LINGO2: variants seen among roughly 807,000 people sequenced by gnomAD.
The protein encoded by LINGO2 is leucine rich repeat and Ig domain containing 2, also known as leucine-rich repeat and immunoglobulin-like domain-containing nogo receptor-interacting protein 2.
In LINGO2, 14 loss-of-function variants were observed where a neutral mutation model predicts 30.6. That is an observed-to-expected ratio of 0.46 (90% confidence interval 0.30 to 0.72). LINGO2 has a LOEUF of 0.72. LINGO2 is among the 30% of genes least tolerant of loss of function. The probability of loss-of-function intolerance (pLI) is 0.07; values close to 1 mark genes in which losing one functional copy is unlikely to be tolerated. For missense variants in LINGO2, 729 were observed against 751.7 expected (o/e 0.97, Z 0.35); for synonymous variants, 317 against 288.5 (o/e 1.10, Z -1.00).
chr9:29,061,229 T>A, the LINGO2 span, among the ~76,000 whole-genome samples: 1 of 151,848 alleles, frequency 6.6e-6, no homozygotes, highest in African/African-American at 2.4e-5. Context: ...CACTGTGAAA[T>A]AGAAACCGTT....
chr9:28,207,558 C>G (rs1052110251), intron 4 of LINGO2, among the ~76,000 whole-genome samples: 1 of 151,970 alleles, frequency 6.6e-6, no homozygotes, highest in African/African-American at 2.4e-5. Flanking sequence ...AAAAAGTCTC[C>G]TCTCTCACTT....
chr9:28,303,954 C>T (rs1824245322), intron 3 of LINGO2, among the ~76,000 whole-genome samples: 1 of 151,998 alleles, frequency 6.6e-6, no homozygotes, highest in Admixed American at 6.6e-5. Context: ...GTTTAAGGAT[C>T]ACCTGTGTAT....
At chr9:28,832,666 A>G in the LINGO2 span, among the ~76,000 whole-genome samples, 3 of 152,296 alleles carry the variant, frequency 2.0e-5, no homozygotes, top group Non-Finnish European at 4.4e-5. Flanking sequence ...GAGTAGTTTT[A>G]GCCACATCCA....
chr9:29,040,539 G>C, the LINGO2 span, among the ~76,000 whole-genome samples: 3 of 150,706 alleles, frequency 2.0e-5, no homozygotes, highest in African/African-American at 7.3e-5. Context: ...AGGTATGATA[G>C]TTGTGAAAAC....
At chr9:28,409,809 G>C (rs1822674441) in intron 2 of LINGO2, among the ~76,000 whole-genome samples, 1 of 151,690 alleles carries the variant, frequency 6.6e-6, no homozygotes, top group Non-Finnish European at 1.5e-5. Flanking sequence ...ATACCATCTA[G>C]CCCAACAACC....
chr9:28,673,341 G>C (rs762382223), upstream of LINGO2, among the ~76,000 whole-genome samples: 1 of 152,048 alleles, frequency 6.6e-6, no homozygotes, highest in Non-Finnish European at 1.5e-5. Context: ...AAATGATTTA[G>C]AGAAACAGCA....
the LINGO2 span, among the ~76,000 whole-genome samples, chr9:28,847,920 T>C: frequency 2.0e-4 from 24 of 120,828 alleles, no homozygotes; most frequent in African/African-American, 6.9e-4. Context: ...CACACATATG[T>C]GTGTATATAT....
chr9:29,029,753 T>C, the LINGO2 span, among the ~76,000 whole-genome samples: 1 of 152,052 alleles, frequency 6.6e-6, no homozygotes, highest in Non-Finnish European at 1.5e-5. Flanking sequence ...AGCAAGTGGA[T>C]TGGGGCAAGC....
chr9:28,954,913 G>A, the LINGO2 span, among the ~76,000 whole-genome samples: 1 of 152,110 alleles, frequency 6.6e-6, no homozygotes, highest in Admixed American at 6.6e-5. Flanking sequence ...GCTGGACCAA[G>A]GGAAACTGCC....
At chr9:28,854,377 TATAAG>T in the LINGO2 span, among the ~76,000 whole-genome samples, 18 of 152,110 alleles carry the variant, frequency 1.2e-4, no homozygotes, top group East Asian at 5.8e-4. Context: ...TTTAGACAAA[TATAAG>T]ATAATATAAA....
chr9:28,459,006 G>A (rs1824966049), intron 2 of LINGO2, among the ~76,000 whole-genome samples: 1 of 151,748 alleles, frequency 6.6e-6, no homozygotes, highest in Admixed American at 6.6e-5. Context: ...AAATTCCAAT[G>A]CAACATGATT....
chr9:28,108,458 C>G (rs532174007), intron 4 of LINGO2, among the ~76,000 whole-genome samples: 1 of 151,384 alleles, frequency 6.6e-6, no homozygotes, highest in Non-Finnish European at 1.5e-5. Context: ...TTACACTGGC[C>G]ATCGATCTTT....
chr9:29,109,657 A>C, the LINGO2 span, among the ~76,000 whole-genome samples: 1 of 152,232 alleles, frequency 6.6e-6, no homozygotes, highest in Non-Finnish European at 1.5e-5. Flanking sequence ...AAAGTGAGTC[A>C]GTGAGCTTGG....
At chr9:28,083,506 C>T (rs1825828750) in intron 4 of LINGO2, among the ~76,000 whole-genome samples, 1 of 152,142 alleles carries the variant, frequency 6.6e-6, no homozygotes, top group African/African-American at 2.4e-5. Context: ...GTTGCCAGCA[C>T]ATTTTACAGT....
At chr9:28,046,556 G>T (rs920081280) in intron 4 of LINGO2, among the ~76,000 whole-genome samples, 1 of 152,142 alleles carries the variant, frequency 6.6e-6, no homozygotes, top group African/African-American at 2.4e-5. Flanking sequence ...ACTTCAGAAG[G>T]TGAAACACTA....
the LINGO2 span, among the ~76,000 whole-genome samples, chr9:28,685,747 A>T: frequency 6.6e-6 from 1 of 152,158 alleles, no homozygotes; most frequent in African/African-American, 2.4e-5. Flanking sequence ...CCTAAAAATA[A>T]TCTACAGATA....
At chr9:28,443,219 G>T (rs954810497) in intron 2 of LINGO2, among the ~76,000 whole-genome samples, 2 of 152,188 alleles carry the variant, frequency 1.3e-5, no homozygotes, top group African/African-American at 4.8e-5. Flanking sequence ...ATACATTAGG[G>T]TAACAATAAC....
chr9:29,136,015 C>A, the LINGO2 span, among the ~76,000 whole-genome samples: 4 of 152,262 alleles, frequency 2.6e-5, no homozygotes, highest in East Asian at 7.7e-4. Context: ...CCCAACATGG[C>A]CAGCTCACTA....
chr9:28,676,717 C>G, the LINGO2 span, among the ~76,000 whole-genome samples: 1 of 151,822 alleles, frequency 6.6e-6, no homozygotes, highest in African/African-American at 2.4e-5. Context: ...TTGTTCTTGC[C>G]CTTTTTAGAG....
Sources: allele counts gnomAD v4.1 joint callset (sites outside exome capture counted in the v4.1 genomes callset), GRCh38; gene constraint gnomAD v4.1.1; transcripts MANE v1.5; gene names NCBI Gene and HGNC (gene_info 2026-07-23, HGNC 2026-07-21).